Variants in TNC observed in about 807,000 individuals in gnomAD.
TNC encodes the protein tenascin C, also known as tenascin.
TNC carries 109 observed loss-of-function variants against 202.4 expected under a neutral mutation model. The ratio of observed to expected loss-of-function variants is 0.54; its 90% CI spans 0.46 to 0.63. The LOEUF (loss-of-function observed/expected upper bound fraction) is 0.63. TNC is among the 30% of genes least tolerant of loss of function. The probability of loss-of-function intolerance (pLI) is 0.00; values close to 1 mark genes in which losing one functional copy is unlikely to be tolerated. For missense variants in TNC, 2,756 were observed against 2,833.3 expected (o/e 0.97, Z 0.62); for synonymous variants, 1,007 against 1,089.7 (o/e 0.92, Z 1.50).
At chr9:115,048,155 A>G in intron 16 of TNC, 105 bp downstream of exon 16, 1 of 1,369,088 alleles carries the variant, frequency 7.3e-7, no homozygotes, top group Non-Finnish European at 1.0e-6. Context: ...TTATGGATTA[A>G]GTAGGGAATG....
At chr9:115,105,492 G>A (rs1024787606) in intron 1 of TNC, among the ~76,000 whole-genome samples, 2 of 152,122 alleles carry the variant, frequency 1.3e-5, no homozygotes, top group African/African-American at 2.4e-5. Context: ...AGCTAGAAAC[G>A]GGGAACAGAA....
At chr9:115,052,565 A>G (rs534415593) in intron 15 of TNC, among the ~76,000 whole-genome samples, 2 of 152,336 alleles carry the variant, frequency 1.3e-5, no homozygotes, top group South Asian at 4.1e-4. Flanking sequence ...CACAATGTAT[A>G]TGTATATCAA....
At chr9:115,108,719 T>A (rs1176127502) in intron 1 of TNC, among the ~76,000 whole-genome samples, 2 of 152,212 alleles carry the variant, frequency 1.3e-5, no homozygotes, top group Non-Finnish European at 2.9e-5. Flanking sequence ...TGTGACAATA[T>A]TAGTTGGCAG....
In TNC at chr9:115,084,388, T is replaced by C; in HGVS notation, c.1952A>G (p.Glu651Gly). ...LAWDNEMRVTEYLVVYTPTHE... is the reference protein window; with the variant it reads ...LAWDNEMRVTGYLVVYTPTHE... ...GGTGGGCGTGTACACGACAAGGTACTCTGTGACCCGCATCTCATTGTCCCA... is the reference window on the plus strand; with the variant it reads ...GGTGGGCGTGTACACGACAAGGTACCCTGTGACCCGCATCTCATTGTCCCA... The change falls in exon 4 of 28, where the codon GAG becomes GGG. Residue 651 changes from glutamate to glycine, a missense_variant. By Grantham distance (98) the Glu-to-Gly change is moderately conservative. Coordinates refer to ENST00000350763, the MANE Select transcript of TNC (RefSeq NM_002160.4). The C allele has an allele frequency of 6.2e-7, 1 of 1,614,232 alleles. No individual in the cohort carries two copies. Among genetic ancestry groups the C allele is most frequent in the South Asian group, 1.1e-5 (1 of 91,078 alleles).
intron 1 of TNC, chr9:115,112,851 T>C (rs1755646): frequency 0.57 from 86,357 of 152,424 alleles, 24,738 homozygotes; most frequent in Admixed American, 0.65. Context: ...ACACAGACAG[T>C]GGGGGACGTG....
Position 115,048,382 on chromosome 9 carries a change from AGT to A in TNC, c.4728_4729del (p.Leu1577PhefsTer10). Reference sequence around the variant, plus strand: ...CTCCAGCTTCCTCTGGGTTCCTGAAAGTGTGAATTCCTGGGGGTCCAGCAGCT... The same window carrying A: ...CTCCAGCTTCCTCTGGGTTCCTGAAAGTGAATTCCTGGGGGTCCAGCAGCT... On this transcript the variant is annotated frameshift_variant, in exon 16 of 28. Coordinates refer to ENST00000350763, the MANE Select transcript of TNC (RefSeq NM_002160.4). LOFTEE classifies it high-confidence loss of function. 1 of 1,614,106 alleles carries A rather than the reference AGT, an allele frequency of 6.2e-7. No individual in the cohort carries two copies. Among genetic ancestry groups the A allele is most frequent in the South Asian group, 1.1e-5 (1 of 91,086 alleles).
chr9:115,031,767 T>C, intron 22 of TNC, 82 bp from the exon 23 acceptor site: 1 of 1,527,652 alleles, frequency 6.5e-7, no homozygotes, highest in Admixed American at 2.2e-5. Flanking sequence ...TATTTATAAG[T>C]TCATTTACCC....
rs370056884 is a variant in TNC, at chr9:115,062,939, G to C, written c.4011C>G (p.Pro1337=). The C allele has an allele frequency of 1.1e-5, 17 of 1,613,678 alleles. No homozygotes were observed. The highest frequency in any genetic ancestry group is 1.4e-5 in the Non-Finnish European group (17 of 1,179,874). ...HGEVRGHSTR[P]LAVEVVTEDL... is the part of the protein sequence containing the mutation. ...TACCTGTGACGACCTCTACAGCAAG[G>C]GGTCGAGTGCTGTGGCCCCTGACCT... The change falls in exon 13 of 28, where the codon CCC becomes CCG. Residue 1337 remains proline, a synonymous_variant. Transcript: ENST00000350763.
chr9:115,068,115 G>C (rs938404244), intron 10 of TNC, among the ~76,000 whole-genome samples: 3 of 152,202 alleles, frequency 2.0e-5, no homozygotes, highest in Admixed American at 2.0e-4. Flanking sequence ...TCACATAAAT[G>C]CTGGCTCCAC....
rs1180214046 is a variant in TNC, at chr9:115,068,804, C to T, written c.3215-3885G>A. Among the ~76,000 whole-genome samples the T allele has an allele frequency of 5.3e-5, 8 of 152,188 alleles. 1 individual carries two copies. Among genetic ancestry groups the T allele is most frequent in the African/African-American group, 1.4e-4 (6 of 41,446 alleles). On this transcript the variant is annotated intron_variant, in intron 10 of 27. Coordinates refer to ENST00000350763, the MANE Select transcript of TNC (RefSeq NM_002160.4). ...AATGTCATTACTCTTTCTCCACTTG[C>T]CCAGCCCCTTTTCTTTTTCAGAACT...
chr9:115,065,802 T>C (rs1304484896), intron 10 of TNC, among the ~76,000 whole-genome samples: 1 of 149,074 alleles, frequency 6.7e-6, no homozygotes, highest in African/African-American at 2.5e-5. Flanking sequence ...CTTGGGAGGC[T>C]GAGTTAGGAG....
intron 26 of TNC, among the ~76,000 whole-genome samples, chr9:115,024,559 T>A (rs1275341114): frequency 6.6e-6 from 1 of 152,214 alleles, no homozygotes; most frequent in African/African-American, 2.4e-5. Flanking sequence ...AAATACTTAC[T>A]ATGATTGTTA....
chr9:115,104,929 C>T (rs896346279), intron 1 of TNC, among the ~76,000 whole-genome samples: 4 of 152,122 alleles, frequency 2.6e-5, no homozygotes, highest in Non-Finnish European at 5.9e-5. Flanking sequence ...GCAATATCCA[C>T]CATGGGTACA....
Position 115,057,435 on chromosome 9 carries a change from G to A in TNC, c.4307-10C>T, listed in dbSNP as rs1832219067. On this transcript the variant is annotated splice_polypyrimidine_tract_variant and intron_variant, in intron 14 of 27. Transcript: ENST00000350763. ...ATTTCAGGTTCTTTGGCTGTAAAAGGAAGGGGTAGGGGAGAAGAAAAAAAT... is the reference window on the plus strand; with the variant it reads ...ATTTCAGGTTCTTTGGCTGTAAAAGAAAGGGGTAGGGGAGAAGAAAAAAAT... 3.1e-6 allele frequency: 5 copies of A among 1,602,124 alleles called. No individual in the cohort carries two copies. The South Asian group carries it at 5.5e-5, about 18-fold the overall frequency.
At chr9:115,077,535 G>GA (rs1833970547) in intron 7 of TNC, among the ~76,000 whole-genome samples, 1 of 152,194 alleles carries the variant, frequency 6.6e-6, no homozygotes, top group Non-Finnish European at 1.5e-5. Flanking sequence ...ACTGAGCTCT[G>GA]AAAAATATTT....
chr9:115,105,432 TCA>T (rs936504620), intron 1 of TNC, among the ~76,000 whole-genome samples: 2 of 152,220 alleles, frequency 1.3e-5, no homozygotes, highest in African/African-American at 2.4e-5. Context: ...TCTTTATTTT[TCA>T]CAGTTTATGG....
chr9:115,023,498 C>T (rs1346150772), intron 27 of TNC, among the ~76,000 whole-genome samples: 2 of 152,168 alleles, frequency 1.3e-5, no homozygotes, highest in African/African-American at 4.8e-5. Flanking sequence ...GGCTCTGCTG[C>T]CAACTTCACT....
intron 20 of TNC, among the ~76,000 whole-genome samples, chr9:115,036,956 C>T (rs184553016): frequency 1.7e-4 from 26 of 152,314 alleles, no homozygotes; most frequent in African/African-American, 6.0e-4. Context: ...GCACCACCCC[C>T]TCTTCTGAAC....
chr9:115,042,479 T>C, intron 17 of TNC, 138 bp from the exon 18 acceptor site: 1 of 1,147,202 alleles, frequency 8.7e-7, no homozygotes, highest in Non-Finnish European at 1.2e-6. Flanking sequence ...ATGGAGAATG[T>C]GGTGATCTGT....
Sources: gnomAD v4.1 joint callset for allele counts (sites outside exome capture counted in the v4.1 genomes callset) on GRCh38, gnomAD v4.1.1 for gene constraint, MANE v1.5 for transcripts, NCBI Gene and HGNC (gene_info 2026-07-23, HGNC 2026-07-21) for gene names.